The following DPP10 variants were observed in gnomAD, a reference collection of about 807,000 sequenced individuals.
DPP10 encodes the protein inactive dipeptidyl peptidase 10.
DPP10 carries 33 observed loss-of-function variants against 120.9 expected under a neutral mutation model. That is an observed-to-expected ratio of 0.27 (90% CI 0.21 to 0.37). DPP10 has a LOEUF of 0.37. DPP10 is among the 10% of genes least tolerant of loss of function. The pLI is 1.00. For synonymous variants in DPP10, 337 were observed against 326.1 expected (o/e 1.03, Z -0.36); for missense variants, 816 against 942.8 (o/e 0.87, Z 1.76).
At chr2:114,864,408 A>G (rs1690061096) in intron 1 of DPP10, among the ~76,000 whole-genome samples, 1 of 152,222 alleles carries the variant, frequency 6.6e-6, no homozygotes, top group South Asian at 2.1e-4. Context: ...AACAGCTCAC[A>G]GTGCAGGCAT....
At chr2:114,681,600 G>A (rs1360618063) in intron 1 of DPP10, among the ~76,000 whole-genome samples, 1 of 151,980 alleles carries the variant, frequency 6.6e-6, no homozygotes, top group Non-Finnish European at 1.5e-5. Context: ...AACAAAGGGA[G>A]GCTCTATGTG....
intron 1 of DPP10, among the ~76,000 whole-genome samples, chr2:114,855,985 T>C (rs926783005): frequency 6.6e-6 from 1 of 151,872 alleles, no homozygotes; most frequent in Admixed American, 6.6e-5. Flanking sequence ...GTTAACATTT[T>C]TCTTCAATTG....
intron 1 of DPP10, among the ~76,000 whole-genome samples, chr2:114,846,450 C>G (rs915569396): frequency 3.9e-5 from 6 of 152,126 alleles, no homozygotes; most frequent in Admixed American, 1.3e-4. Context: ...ATCTGAAAGT[C>G]TATGGCAGAA....
intron 1 of DPP10, among the ~76,000 whole-genome samples, chr2:114,728,254 T>C (rs750944300): frequency 3.3e-5 from 5 of 152,152 alleles, no homozygotes; most frequent in Admixed American, 6.5e-5. Context: ...GAGGAGAAGA[T>C]GCATACAATC....
intron 1 of DPP10, among the ~76,000 whole-genome samples, chr2:114,476,938 C>T (rs1238878394): frequency 6.6e-6 from 1 of 151,884 alleles, no homozygotes; most frequent in Non-Finnish European, 1.5e-5. Context: ...GATTAGTTTG[C>T]CCTTAAGTTC....
intron 12 of DPP10, among the ~76,000 whole-genome samples, chr2:115,763,752 A>C (rs1197416795): frequency 1.3e-5 from 2 of 152,112 alleles, no homozygotes; most frequent in Non-Finnish European, 2.9e-5. Context: ...CATTCCCCTC[A>C]TACTTGCACT....
chr2:115,415,841 T>TATATGTATA (rs773341293), intron 3 of DPP10, among the ~76,000 whole-genome samples: 1 of 74,296 alleles, frequency 1.3e-5, no homozygotes. Flanking sequence ...TGATTTGCTT[T>TATATGTATA]TATATATATA....
intron 5 of DPP10, among the ~76,000 whole-genome samples, chr2:115,589,479 C>T (rs543731823): frequency 1.7e-4 from 26 of 152,208 alleles, no homozygotes; most frequent in African/African-American, 6.0e-4. Context: ...TGCTCAAGTG[C>T]CTTCCTACTT....
intron 1 of DPP10, among the ~76,000 whole-genome samples, chr2:114,960,645 A>C (rs1433634909): frequency 1.3e-5 from 2 of 152,176 alleles, no homozygotes; most frequent in Non-Finnish European, 2.9e-5. Context: ...TCCAGTTGTA[A>C]TCATAATAAC....
chr2:115,376,459 G>A (rs975150821), intron 3 of DPP10, among the ~76,000 whole-genome samples: 7 of 151,024 alleles, frequency 4.6e-5, no homozygotes, highest in African/African-American at 7.3e-5. Context: ...TTCCTTTTGT[G>A]CTGCTCTTCC....
intron 5 of DPP10, among the ~76,000 whole-genome samples, chr2:115,684,088 T>A (rs2090833751): frequency 6.6e-6 from 1 of 151,938 alleles, no homozygotes; most frequent in Admixed American, 6.6e-5. Context: ...TAGTGAACAT[T>A]AAGTAAGAAA....
At chr2:114,454,109 G>A (rs73946154) in intron 1 of DPP10, among the ~76,000 whole-genome samples, 2,936 of 152,248 alleles carry the variant, frequency 0.019, 91 homozygotes, top group African/African-American at 0.068. Context: ...ACCCCAACTC[G>A]CAGATGAGTT....
chr2:114,534,056 A>G (rs1449286811), intron 1 of DPP10, among the ~76,000 whole-genome samples: 1 of 152,174 alleles, frequency 6.6e-6, no homozygotes, highest in East Asian at 1.9e-4. Flanking sequence ...ACTTTACAGT[A>G]TATTCTCTTA....
chr2:115,732,634 T>A (rs2092937941), intron 8 of DPP10, among the ~76,000 whole-genome samples: 1 of 152,092 alleles, frequency 6.6e-6, no homozygotes, highest in Middle Eastern at 3.2e-3. Flanking sequence ...AAAATGTTAC[T>A]AAAAAGAAAG....
chr2:115,427,731 C>T (rs560813254), intron 3 of DPP10, among the ~76,000 whole-genome samples: 100 of 152,304 alleles, frequency 6.6e-4, no homozygotes, highest in Middle Eastern at 6.8e-3. Context: ...ACTTGACTCC[C>T]TTTTAGTTAT....
At chr2:114,833,386 A>G (rs1193755733) in intron 1 of DPP10, 1 of 152,064 alleles carries the variant, frequency 6.6e-6, no homozygotes, top group Non-Finnish European at 1.5e-5. Flanking sequence ...GTTTCAGCTG[A>G]TATATTTTTC....
chr2:115,271,843 T>C (rs2059711902), intron 1 of DPP10, among the ~76,000 whole-genome samples: 1 of 152,068 alleles, frequency 6.6e-6, no homozygotes, highest in Admixed American at 6.6e-5. Flanking sequence ...GAAAATTAGG[T>C]ATTTTAACTG....
chr2:114,661,845 T>G (rs1697426611), intron 1 of DPP10, among the ~76,000 whole-genome samples: 1 of 152,188 alleles, frequency 6.6e-6, no homozygotes, highest in African/African-American at 2.4e-5. Flanking sequence ...AGCAACATCA[T>G]GAAAACGTCT....
chr2:115,642,410 GACCTTCCTTA>G (rs1165930831), intron 5 of DPP10, among the ~76,000 whole-genome samples: 1 of 152,058 alleles, frequency 6.6e-6, no homozygotes, highest in African/African-American at 2.4e-5. Context: ...GAAAAAAATT[GACCTTCCTTA>G]AGCAAGAAGG....
Sources: allele counts gnomAD v4.1 joint callset (sites outside exome capture counted in the v4.1 genomes callset), GRCh38; gene constraint gnomAD v4.1.1; transcripts MANE v1.5; gene names NCBI Gene and HGNC (gene_info 2026-07-23, HGNC 2026-07-21).